KIF13A: variants seen among roughly 807,000 people sequenced by gnomAD.
KIF13A encodes kinesin family member 13A, also known as kinesin-like protein KIF13A.
KIF13A carries 79 observed loss-of-function variants against 212.2 expected under a neutral mutation model. The observed-to-expected ratio is 0.37, with a 90% confidence interval of 0.31 to 0.45. The LOEUF (loss-of-function observed/expected upper bound fraction) is 0.45. KIF13A is among the 20% of genes least tolerant of loss of function. The pLI is 1.00. For missense variants in KIF13A, 1,901 were observed against 2,209.0 expected (o/e 0.86, Z 2.79); for synonymous variants, 789 against 808.6 (o/e 0.98, Z 0.41).
intron 2 of KIF13A, among the ~76,000 whole-genome samples, chr6:17,948,623 C>T (rs767666880): frequency 5.2e-5 from 7 of 135,112 alleles, no homozygotes; most frequent in Non-Finnish European, 1.1e-4. Context: ...ACTGCAGCAG[C>T]GTGATCTCGG....
intron 33 of KIF13A, among the ~76,000 whole-genome samples, 165 bp downstream of exon 33, chr6:17,778,779 CATT>C (rs1488526496): frequency 1.3e-5 from 2 of 152,066 alleles, no homozygotes; most frequent in Non-Finnish European, 2.9e-5. Context: ...AAAAGTTAGT[CATT>C]ATTTTTATTT....
rs932638457 is a variant in KIF13A at position 17,984,744 on chromosome 6, T to C, written c.146+2310A>G. On this transcript the variant is annotated intron_variant, in intron 2 of 38. Coordinates refer to ENST00000259711, the MANE Select transcript of KIF13A (RefSeq NM_022113.6). This position sits in a 1 kb window ranked among gnomAD's most constrained non-coding sequence, Gnocchi z 5.0. ...ACAGTAATTCTCAATTTGACACAGGTTTGCCAATATGCATTTAAAGACCTC... is the reference window on the plus strand; with the variant it reads ...ACAGTAATTCTCAATTTGACACAGGCTTGCCAATATGCATTTAAAGACCTC... Among the ~76,000 whole-genome samples the C allele has an allele frequency of 1.5e-4, 23 of 152,178 alleles. No homozygotes were observed. The highest frequency in any genetic ancestry group is 3.9e-4 in the Admixed American group (6 of 15,280).
rs1414099848 is a variant in KIF13A at position 17,809,891 on chromosome 6, G to C, written c.2001-961C>G. Among the ~76,000 whole-genome samples, 1 of 152,086 alleles carries C rather than the reference G, an allele frequency of 6.6e-6. No individual in the cohort carries two copies. The highest frequency in any genetic ancestry group is 1.5e-5 in the Non-Finnish European group (1 of 68,018). On this transcript the variant is annotated intron_variant, in intron 17 of 38. Coordinates refer to ENST00000259711, the MANE Select transcript of KIF13A (RefSeq NM_022113.6). The surrounding 1 kb of genome is among the most constrained non-coding windows in gnomAD (Gnocchi z 4.7). ...CGTCACCTTAGAAATGACAGAAGACGCATGCTGTGCGGATGCTAAGGTAAA... is the reference window on the plus strand; with the variant it reads ...CGTCACCTTAGAAATGACAGAAGACCCATGCTGTGCGGATGCTAAGGTAAA...
In KIF13A at chr6:17,764,562, C is replaced by T. The variant is rs41267710; in HGVS notation, c.4966G>A (p.Glu1656Lys). Residue 1656 changes from glutamate to lysine, a missense_variant, in exon 39 of 39, where the codon GAA becomes AAA. Coordinates refer to ENST00000259711, the MANE Select transcript of KIF13A (RefSeq NM_022113.6). This position sits in a 1 kb window ranked among gnomAD's most constrained non-coding sequence, Gnocchi z 5.1. Reference sequence around the variant, plus strand: ...ATCTTGTCCTTTACCAAGCCTTTTTCGACTTCTGTCAACTCTTTGTTTGAG... The same window carrying T: ...ATCTTGTCCTTTACCAAGCCTTTTTTGACTTCTGTCAACTCTTTGTTTGAG... ...PSSNKELTEV[E>K]KGLVKDKIIV... 3.1e-3 allele frequency: 5,064 copies of T among 1,613,890 alleles called. 16 individuals are homozygous for T. Among genetic ancestry groups the T allele is most frequent in the Middle Eastern group, 7.8e-3 (47 of 6,062 alleles).
In KIF13A at chr6:17,919,609, C is replaced by T. The variant is rs979087253; in HGVS notation, c.147-21429G>A. Among the ~76,000 whole-genome samples, 3 of 152,194 alleles carry T rather than the reference C, an allele frequency of 2.0e-5. No homozygotes were observed. The highest frequency in any genetic ancestry group is 4.4e-5 in the Non-Finnish European group (3 of 68,030). ...CAGCCATGTCTCCACTCCTAATGCACTCAGTGGCTGCTTTACCTACCCTGA... is the reference window on the plus strand; with the variant it reads ...CAGCCATGTCTCCACTCCTAATGCATTCAGTGGCTGCTTTACCTACCCTGA... On this transcript the variant is annotated intron_variant, in intron 2 of 38. Transcript: ENST00000259711. This position sits in a 1 kb window ranked among gnomAD's most constrained non-coding sequence, Gnocchi z 4.1.
chr6:17,960,022 CAAA>C (rs200745950), intron 2 of KIF13A, among the ~76,000 whole-genome samples: 2 of 126,874 alleles, frequency 1.6e-5, no homozygotes, highest in African/African-American at 2.9e-5. Flanking sequence ...AACTCCACCT[CAAA>C]AAAAAAAAAA....
chr6:17,980,993 T>C (rs1373405693), intron 2 of KIF13A, among the ~76,000 whole-genome samples: 3 of 149,912 alleles, frequency 2.0e-5, no homozygotes, highest in African/African-American at 7.3e-5. Flanking sequence ...CTAAAAGTGG[T>C]TGCCTCTGGG....
rs1167961630 is a variant in KIF13A at position 17,855,687 on chromosome 6, G to A, written c.314-70C>T. The A allele has an allele frequency of 1.6e-6, 2 of 1,257,952 alleles. No individual in the cohort carries two copies. Among genetic ancestry groups the A allele is most frequent in the Non-Finnish European group, 2.2e-6 (2 of 911,102 alleles). The allele number at this position is 1,257,952 out of a possible 1,614,324, so 77.9% of individuals were successfully genotyped here. On this transcript the variant is annotated intron_variant, in intron 5 of 38. Transcript: ENST00000259711. The surrounding 1 kb of genome is among the most constrained non-coding windows in gnomAD (Gnocchi z 4.1). Reference sequence around the variant, plus strand: ...AAAATGCAATGCTTCAACCATACAAGGTTTCCCCATATACTGGCCATGGTA... The same window carrying A: ...AAAATGCAATGCTTCAACCATACAAAGTTTCCCCATATACTGGCCATGGTA...
chr6:17,870,436 G>T (rs1206770004), intron 4 of KIF13A, among the ~76,000 whole-genome samples: 3 of 151,702 alleles, frequency 2.0e-5, no homozygotes, highest in Non-Finnish European at 4.4e-5. Flanking sequence ...TGTATGTAAT[G>T]AAGTCATTTC....
intron 2 of KIF13A, among the ~76,000 whole-genome samples, chr6:17,979,842 A>G (rs1780901198): frequency 6.6e-6 from 1 of 152,112 alleles, no homozygotes; most frequent in African/African-American, 2.4e-5. Context: ...AAAATTAAAC[A>G]TAAGGATTAA....
chr6:17,880,944 A>G (rs995264985), intron 3 of KIF13A, among the ~76,000 whole-genome samples: 5 of 152,208 alleles, frequency 3.3e-5, no homozygotes, highest in African/African-American at 9.7e-5. Flanking sequence ...GTAAAACAAC[A>G]AAATGCCAAC....
intron 2 of KIF13A, among the ~76,000 whole-genome samples, chr6:17,921,832 C>A (rs1775100593): frequency 6.6e-6 from 1 of 152,112 alleles, no homozygotes; most frequent in Admixed American, 6.5e-5. Flanking sequence ...CAAAGCTTCC[C>A]CCAGTAGAAG....
intron 2 of KIF13A, among the ~76,000 whole-genome samples, chr6:17,933,860 C>G (rs1776222505): frequency 6.6e-6 from 1 of 152,176 alleles, no homozygotes; most frequent in Non-Finnish European, 1.5e-5. Flanking sequence ...CCTAGCTCCC[C>G]ACCAAAGCCT....
chr6:17,944,397 C>T lies in KIF13A; in HGVS notation c.146+42657G>A, dbSNP rs1473145663. Among the ~76,000 whole-genome samples, 8 of 152,318 alleles carry T rather than the reference C, an allele frequency of 5.3e-5. No individual in the cohort carries two copies. The East Asian group carries it at 1.5e-3, about 29-fold the overall frequency. On this transcript the variant is annotated intron_variant, in intron 2 of 38. Transcript: ENST00000259711. ...CTCCATTAAATAACAAGCATATATG[C>T]TAGAACACAAGTTACCATTCCCTGA...
chr6:17,821,680 A>G (rs1474226281), intron 16 of KIF13A: 26 of 1,277,148 alleles, frequency 2.0e-5, no homozygotes, highest in Admixed American at 2.6e-5. Flanking sequence ...CTTCTTCCCA[A>G]TCATGTTAGT....
chr6:17,921,371 C>T (rs147767348), intron 2 of KIF13A, among the ~76,000 whole-genome samples: 1 of 152,278 alleles, frequency 6.6e-6, no homozygotes, highest in African/African-American at 2.4e-5. Flanking sequence ...GTAACAATAA[C>T]CAGCTAATAC....
intron 2 of KIF13A, among the ~76,000 whole-genome samples, chr6:17,903,008 AT>A (rs1773181220): frequency 6.6e-6 from 1 of 152,250 alleles, no homozygotes; most frequent in African/African-American, 2.4e-5. Flanking sequence ...GACTGCCTGC[AT>A]TTAACAGCAG....
At chr6:17,901,349 A>G (rs968173398) in intron 2 of KIF13A, among the ~76,000 whole-genome samples, 1 of 152,166 alleles carries the variant, frequency 6.6e-6, no homozygotes, top group Admixed American at 6.5e-5. Context: ...TGTAAAAATA[A>G]AAAAATTCAT....
intron 25 of KIF13A, among the ~76,000 whole-genome samples, chr6:17,790,962 T>C (rs1761483624): frequency 6.6e-6 from 1 of 152,102 alleles, no homozygotes; most frequent in Non-Finnish European, 1.5e-5. Flanking sequence ...CAAAACAAAG[T>C]AATCACGTTG....
Sources: gnomAD v4.1 joint callset for allele counts (sites outside exome capture counted in the v4.1 genomes callset) on GRCh38, gnomAD v4.1.1 for gene constraint, Gnocchi (gnomAD v3.1) non-coding constraint, MANE v1.5 for transcripts, NCBI Gene and HGNC (gene_info 2026-07-23, HGNC 2026-07-21) for gene names.